PCDHGB4: variants seen among roughly 807,000 people sequenced by gnomAD.
PCDHGB4 encodes the protein protocadherin gamma subfamily B, 4, also known as protocadherin gamma-B4.
A neutral mutation model predicts 60.5 loss-of-function variants in PCDHGB4; 38 were observed. The observed-to-expected ratio is 0.63, with a 90% CI of 0.48 to 0.82. PCDHGB4 has a LOEUF of 0.82. Among genes scored for constraint, PCDHGB4 ranks in the 40% least tolerant of loss-of-function variants. The probability of loss-of-function intolerance (pLI) is 0.00; values close to 1 mark genes in which losing one functional copy is unlikely to be tolerated. For missense variants in PCDHGB4, 1,109 were observed against 1,209.6 expected (o/e 0.92, Z 1.23); for synonymous variants, 456 against 509.7 (o/e 0.89, Z 1.42).
rs2099417733 is a variant in PCDHGB4, at chr5:141,477,771, G to C, written c.2398-17036G>C. ...ACCCCGGTCCTAGCCACCAACATCAGCGTGAACATATTTGTCACTGATCGC... is the reference window on the plus strand; with the variant it reads ...ACCCCGGTCCTAGCCACCAACATCACCGTGAACATATTTGTCACTGATCGC... On this transcript the variant is annotated intron_variant, in intron 1 of 3. Transcript: ENST00000519479. This position sits in a 1 kb window ranked among gnomAD's most constrained non-coding sequence, Gnocchi z 4.9. 3 of 1,613,992 alleles carry C rather than the reference G, an allele frequency of 1.9e-6. No homozygotes were observed. The highest frequency in any genetic ancestry group is 3.3e-4 in the Middle Eastern group (2 of 6,062).
intron 1 of PCDHGB4, among the ~76,000 whole-genome samples, chr5:141,465,206 C>T (rs375753635): frequency 1.8e-4 from 27 of 151,896 alleles, no homozygotes; most frequent in Middle Eastern, 3.4e-3. Context: ...AAAATATAAG[C>T]TTTATTTTTC....
In PCDHGB4 at chr5:141,433,051, G is replaced by A. The variant is rs754102028; in HGVS notation, c.2397+42770G>A. The A allele has an allele frequency of 1.8e-5, 29 of 1,614,066 alleles. No homozygotes were observed. In the East Asian group the frequency reaches 2.5e-4, roughly 14 times the overall value. On this transcript the variant is annotated intron_variant, in intron 1 of 3. Transcript: ENST00000519479. ...AGGTTTCCCTCACCACGGACTCGCG[G>A]AAGAGTCACCTGATCTTCCCCCAGC...
At chr5:141,419,585 G>C (rs2096403161) in intron 1 of PCDHGB4, 8 of 1,611,776 alleles carry the variant, frequency 5.0e-6, no homozygotes, top group Non-Finnish European at 6.8e-6. Flanking sequence ...CGCGCTCTTC[G>C]ACACAGTGCC....
chr5:141,404,250 C>A lies in PCDHGB4; in HGVS notation c.2397+13969C>A, dbSNP rs1282621596. 2.5e-6 allele frequency: 4 copies of A among 1,613,886 alleles called. No homozygotes were observed. In the Admixed American group the frequency reaches 5.0e-5, roughly 20 times the overall value. On this transcript the variant is annotated intron_variant, in intron 1 of 3. Coordinates refer to ENST00000519479, the MANE Select transcript of PCDHGB4 (RefSeq NM_003736.4). Reference sequence around the variant, plus strand: ...ACAGACAGAGGAACTCCGCCCCTGTCCACAGAAATTCACATCACCCTGCAA... The same window carrying A: ...ACAGACAGAGGAACTCCGCCCCTGTACACAGAAATTCACATCACCCTGCAA...
chr5:141,403,517 G>A, intron 1 of PCDHGB4: 1 of 1,614,030 alleles, frequency 6.2e-7, no homozygotes, highest in Non-Finnish European at 8.5e-7. Context: ...AGACAATGGA[G>A]CCATAAACCC....
intron 1 of PCDHGB4, among the ~76,000 whole-genome samples, chr5:141,482,633 G>T (rs1218163238): frequency 2.0e-5 from 3 of 151,784 alleles, no homozygotes; most frequent in Non-Finnish European, 2.9e-5. Flanking sequence ...AGGAAGAAAT[G>T]ATAGAGGTGG....
At chr5:141,423,470 A>G in intron 1 of PCDHGB4, 1 of 1,614,002 alleles carries the variant, frequency 6.2e-7, no homozygotes, top group Non-Finnish European at 8.5e-7. Context: ...GACGGGGTAC[A>G]GGCTTTCCTG....
chr5:141,454,385 T>C (rs1168439343), intron 1 of PCDHGB4, among the ~76,000 whole-genome samples: 5 of 152,194 alleles, frequency 3.3e-5, no homozygotes, highest in Non-Finnish European at 7.4e-5. Flanking sequence ...CTTGTCAAGA[T>C]GAAGAAAAGG....
chr5:141,427,146 A>G (rs901147622), intron 1 of PCDHGB4: 10 of 456,872 alleles, frequency 2.2e-5, no homozygotes, highest in Admixed American at 7.0e-5. Context: ...TGATATTGGA[A>G]ATATGTTTGT....
chr5:141,486,361 C>T lies in PCDHGB4; in HGVS notation c.2398-8446C>T. 1.2e-6 allele frequency: 2 copies of T among 1,614,086 alleles called. No individual in the cohort carries two copies. The highest frequency in any genetic ancestry group is 1.7e-6 in the Non-Finnish European group (2 of 1,179,994). On this transcript the variant is annotated intron_variant, in intron 1 of 3. Coordinates refer to ENST00000519479, the MANE Select transcript of PCDHGB4 (RefSeq NM_003736.4). This position sits in a 1 kb window ranked among gnomAD's most constrained non-coding sequence, Gnocchi z 5.0. ...GCATTCCTGACCACTTGCCATTTGCCCTCAAGTCTGCCTTCAGGAACCAGT... is the reference window on the plus strand; with the variant it reads ...GCATTCCTGACCACTTGCCATTTGCTCTCAAGTCTGCCTTCAGGAACCAGT...
In PCDHGB4 at chr5:141,413,613, TA is replaced by T. The variant is rs2095659138; in HGVS notation, c.2397+23334del. The T allele has an allele frequency of 4.3e-6, 7 of 1,613,714 alleles. No individual in the cohort carries two copies. The East Asian group carries it at 1.6e-4, about 36-fold the overall frequency. On this transcript the variant is annotated intron_variant, in intron 1 of 3. Transcript: ENST00000519479. Reference sequence around the variant, plus strand: ...AAGCAGAAAATCTAGACGTAAAAATTAATGAAAATGTCGCTGCGGGAATGCG... The same window carrying T: ...AAGCAGAAAATCTAGACGTAAAAATTATGAAAATGTCGCTGCGGGAATGCG...
At chr5:141,419,184 T>A in intron 1 of PCDHGB4, 1 of 1,613,938 alleles carries the variant, frequency 6.2e-7, no homozygotes, top group Non-Finnish European at 8.5e-7. Context: ...ACCCTGCACA[T>A]TACTGACGTC....
chr5:141,410,518 C>T (rs753664223), intron 1 of PCDHGB4: 1 of 1,613,820 alleles, frequency 6.2e-7, no homozygotes, highest in Non-Finnish European at 8.5e-7. Flanking sequence ...GCAGTGTGCC[C>T]CTACATTCCA....
rs773484841 is a variant in PCDHGB4 at position 141,432,092 on chromosome 5, A to G, written c.2397+41811A>G. 4.3e-6 allele frequency: 7 copies of G among 1,614,104 alleles called. No individual in the cohort carries two copies. The East Asian group carries it at 1.6e-4, about 36-fold the overall frequency. On this transcript the variant is annotated intron_variant, in intron 1 of 3. Transcript: ENST00000519479. The surrounding 1 kb of genome is among the most constrained non-coding windows in gnomAD (Gnocchi z 6.0). Reference sequence around the variant, plus strand: ...TCATATCTCGCTGAACGTGGCAGACACCAACGACAACCCGCCGGTCTTCCC... The same window carrying G: ...TCATATCTCGCTGAACGTGGCAGACGCCAACGACAACCCGCCGGTCTTCCC...
At chr5:141,478,570 G>T (rs1255499966) in intron 1 of PCDHGB4, 1 of 1,590,156 alleles carries the variant, frequency 6.3e-7, no homozygotes, top group Admixed American at 1.8e-5. Context: ...AGTCATGCTT[G>T]ACCCTGTTAG....
intron 3 of PCDHGB4, 89 bp from the exon 4 acceptor site, chr5:141,510,858 T>G: frequency 6.2e-7 from 1 of 1,606,182 alleles, no homozygotes; most frequent in Non-Finnish European, 8.5e-7. Context: ...GGGTGCTGTA[T>G]AGGCATTCAT....
At position 141,431,418 on chromosome 5, in the gene PCDHGB4, C is replaced by G. The variant is rs571505529; in HGVS notation, c.2397+41137C>G. On this transcript the variant is annotated intron_variant, in intron 1 of 3. Transcript: ENST00000519479. The surrounding 1 kb of genome is among the most constrained non-coding windows in gnomAD (Gnocchi z 4.8). ...CTTACGGCCTCCGACGGGGGCGACC[C>G]GGTGCGCACAGGCACCGCGCGCATC... is the stretch of plus-strand genomic sequence containing the variant. 6.8e-6 allele frequency: 11 copies of G among 1,613,588 alleles called. No homozygotes were observed. In the South Asian group the frequency reaches 1.1e-4, roughly 16 times the overall value.
intron 1 of PCDHGB4, chr5:141,478,160 G>GC (rs764598056): frequency 3.7e-6 from 6 of 1,613,948 alleles, no homozygotes. Flanking sequence ...CTCTGGCTCT[G>GC]CCCCCCGGGA....
intron 1 of PCDHGB4, among the ~76,000 whole-genome samples, chr5:141,458,339 T>A (rs1380637284): frequency 2.0e-5 from 3 of 150,846 alleles, no homozygotes; most frequent in Non-Finnish European, 3.0e-5. Context: ...TTTTAAGGAG[T>A]GGAGAGTTTA....
Sources: allele counts gnomAD v4.1 joint callset (sites outside exome capture counted in the v4.1 genomes callset), GRCh38; gene constraint gnomAD v4.1.1; non-coding constraint Gnocchi (gnomAD v3.1); transcripts MANE v1.5; gene names NCBI Gene and HGNC (gene_info 2026-07-23, HGNC 2026-07-21).